The following ROBO1 variants were observed in gnomAD, a reference collection of about 807,000 sequenced individuals.
ROBO1 encodes the protein roundabout guidance receptor 1, also known as roundabout homolog 1.
A neutral mutation model predicts 195.9 loss-of-function variants in ROBO1; 149 were observed. The observed-to-expected ratio is 0.76, with a 90% CI of 0.67 to 0.87. ROBO1 has a LOEUF of 0.87. Ranked by LOEUF, ROBO1 falls within the 40% of genes least tolerant of loss-of-function variation. The probability of loss-of-function intolerance (pLI) is 0.00; values close to 1 mark genes in which losing one functional copy is unlikely to be tolerated. For synonymous variants in ROBO1, 816 were observed against 733.2 expected, an observed-to-expected ratio of 1.11 and a Z score of -1.82; for missense variants, 1,933 against 2,068.3, an observed-to-expected ratio of 0.93 and a Z score of 1.27.
chr3:78,904,559 A>G (rs956736184), intron 4 of ROBO1, among the ~76,000 whole-genome samples: 4 of 151,864 alleles, frequency 2.6e-5, no homozygotes, highest in African/African-American at 7.2e-5. Flanking sequence ...GGGCTGGATA[A>G]ATAAGCCGCA....
chr3:79,694,337 G>T (rs1027637190), intron 1 of ROBO1, among the ~76,000 whole-genome samples: 1 of 151,668 alleles, frequency 6.6e-6, no homozygotes, highest in Non-Finnish European at 1.5e-5. Context: ...ATCTCTTTTA[G>T]GTCGACTGTT....
At chr3:78,859,660 T>C (rs1311225409) in intron 4 of ROBO1, among the ~76,000 whole-genome samples, 4 of 151,964 alleles carry the variant, frequency 2.6e-5, no homozygotes, top group Non-Finnish European at 4.4e-5. Flanking sequence ...GAATTAGAAA[T>C]AAAAACAATA....
rs147849570 is a variant in ROBO1 at position 79,454,930 on chromosome 3, C to A, written c.88+134894G>T. ...CTTTCTGTTCAGACTATTTAGCTGG[C>A]TGAATAGATGCCCATAGGCAAAGTC... is the stretch of plus-strand genomic sequence containing the variant. On this transcript the variant is annotated intron_variant, in intron 2 of 30. Transcript: ENST00000464233. Among the ~76,000 whole-genome samples the A allele has an allele frequency of 1.9e-4, 29 of 152,166 alleles. 1 individual carries two copies. In the East Asian group the frequency reaches 4.8e-3, roughly 25 times the overall value.
chr3:79,337,169 A>T (rs1347796473), intron 2 of ROBO1, among the ~76,000 whole-genome samples: 1 of 152,076 alleles, frequency 6.6e-6, no homozygotes, highest in Non-Finnish European at 1.5e-5. Context: ...TGGACTTTTG[A>T]GTTAATGCTG....
chr3:78,938,295 T>G (rs1444244656), intron 4 of ROBO1: 2 of 311,770 alleles, frequency 6.4e-6, no homozygotes, highest in Non-Finnish European at 1.2e-5. Context: ...TGGTTCCCTA[T>G]TCAATATCTT....
intron 2 of ROBO1, among the ~76,000 whole-genome samples, chr3:79,534,837 C>T (rs1225925618): frequency 3.9e-5 from 6 of 152,080 alleles, no homozygotes; most frequent in Admixed American, 3.9e-4. Flanking sequence ...ACCTGACCTC[C>T]CCTTGAACCT....
intron 1 of ROBO1, among the ~76,000 whole-genome samples, chr3:79,716,573 G>T (rs952859364): frequency 2.0e-5 from 3 of 151,856 alleles, no homozygotes; most frequent in Non-Finnish European, 4.4e-5. Context: ...GGAGCAGGTT[G>T]CATATATTTT....
intron 3 of ROBO1, among the ~76,000 whole-genome samples, chr3:78,951,402 G>T (rs146956897): frequency 2.0e-3 from 305 of 152,012 alleles, no homozygotes; most frequent in Non-Finnish European, 2.8e-3. Flanking sequence ...ATGTGAATTT[G>T]TACATATTTT....
At chr3:78,737,339 T>A (rs2082415574) in intron 5 of ROBO1, among the ~76,000 whole-genome samples, 1 of 152,162 alleles carries the variant, frequency 6.6e-6, no homozygotes, top group East Asian at 1.9e-4. Flanking sequence ...ATGAGTAGTT[T>A]TGGATTTTCC....
At chr3:78,774,622 TAC>T (rs2083460903) in intron 4 of ROBO1, among the ~76,000 whole-genome samples, 2 of 151,570 alleles carry the variant, frequency 1.3e-5, no homozygotes, top group Non-Finnish European at 2.9e-5. Context: ...AAAAAAAATC[TAC>T]CACTTGAAAA....
chr3:79,611,296 A>G (rs1264669896), intron 1 of ROBO1, among the ~76,000 whole-genome samples: 2 of 152,114 alleles, frequency 1.3e-5, no homozygotes, highest in South Asian at 4.1e-4. Flanking sequence ...TATCATGTTT[A>G]TACCTCATAA....
chr3:79,303,459 C>T (rs1368874573), intron 2 of ROBO1, among the ~76,000 whole-genome samples: 1 of 152,092 alleles, frequency 6.6e-6, no homozygotes, highest in Non-Finnish European at 1.5e-5. Context: ...AGCCACTGTG[C>T]CTGGCCTAGT....
chr3:78,706,093 A>G (rs1178173828), intron 8 of ROBO1, among the ~76,000 whole-genome samples: 1 of 152,064 alleles, frequency 6.6e-6, no homozygotes, highest in African/African-American at 2.4e-5. Flanking sequence ...TTGAAATCCC[A>G]TTAAGGGCAG....
chr3:79,412,874 A>ATTGTTTTTTTTTT (rs2037833688), intron 2 of ROBO1, among the ~76,000 whole-genome samples: 1 of 38,338 alleles, frequency 2.6e-5, no homozygotes, highest in Non-Finnish European at 4.3e-5. Flanking sequence ...TCATGAGCTG[A>ATTGTTTTTTTTTT]TTTTTTTTTT....
chr3:79,240,223 G>A lies in ROBO1; in HGVS notation c.89-114684C>T, dbSNP rs185171174. Among the ~76,000 whole-genome samples, 8 of 152,108 alleles carry A rather than the reference G, an allele frequency of 5.3e-5. No individual in the cohort carries two copies. In the East Asian group the frequency reaches 9.7e-4, roughly 18 times the overall value. ...ATTCCACATAAAAGTAAAATCTCAC[G>A]GTATTTGTCTTTCTGTGCCTGGCTT... On this transcript the variant is annotated intron_variant, in intron 2 of 30. Coordinates refer to ENST00000464233, the MANE Select transcript of ROBO1 (RefSeq NM_002941.4).
At chr3:79,263,580 G>A (rs75882834) in intron 2 of ROBO1, among the ~76,000 whole-genome samples, 1,887 of 152,034 alleles carry the variant, frequency 0.012, 15 homozygotes, top group Middle Eastern at 0.027. Context: ...GGAGTTTAAG[G>A]CTACTGTGAG....
At chr3:79,394,961 T>C (rs1259426522) in intron 2 of ROBO1, among the ~76,000 whole-genome samples, 1 of 152,158 alleles carries the variant, frequency 6.6e-6, no homozygotes, top group Non-Finnish European at 1.5e-5. Context: ...TTTACCTATA[T>C]TAATTATTTC....
intron 2 of ROBO1, among the ~76,000 whole-genome samples, chr3:79,367,499 T>C (rs2109325358): frequency 6.6e-6 from 1 of 152,332 alleles, no homozygotes; most frequent in East Asian, 1.9e-4. Context: ...TATATTCAGA[T>C]TTCTCTGCTT....
At chr3:79,724,928 C>T (rs1702851581) in intron 1 of ROBO1, among the ~76,000 whole-genome samples, 1 of 152,112 alleles carries the variant, frequency 6.6e-6, no homozygotes, top group Admixed American at 6.5e-5. Flanking sequence ...GTGATGGAAC[C>T]CTATCAGTGT....
Sources: gnomAD v4.1 joint callset for allele counts (sites outside exome capture counted in the v4.1 genomes callset) on GRCh38, gnomAD v4.1.1 for gene constraint, MANE v1.5 for transcripts, NCBI Gene and HGNC (gene_info 2026-07-23, HGNC 2026-07-21) for gene names.